DPYD: variants seen among roughly 807,000 people sequenced by gnomAD.
DPYD encodes dihydropyrimidine dehydrogenase, also known as dihydropyrimidine dehydrogenase [NADP(+)].
DPYD carries 109 observed loss-of-function variants against 116.2 expected under a neutral mutation model. That is an observed-to-expected ratio of 0.94 (90% CI 0.80 to 1.10). The LOEUF (loss-of-function observed/expected upper bound fraction) is 1.10. Among genes scored for constraint, DPYD ranks in the 50% least tolerant of loss-of-function variants. The pLI, the probability that DPYD is intolerant of heterozygous loss-of-function variation, is 0.00. For missense variants in DPYD, 1,302 were observed against 1,254.5 expected (o/e 1.04, Z -0.57); for synonymous variants, 440 against 432.0 (o/e 1.02, Z -0.23).
chr1:97,628,058 AG>A (rs1204600886), intron 8 of DPYD, among the ~76,000 whole-genome samples: 1 of 152,014 alleles, frequency 6.6e-6, no homozygotes, highest in Non-Finnish European at 1.5e-5. Context: ...AGAGACATTG[AG>A]GCACAGACTC....
chr1:97,808,366 G>A lies in DPYD; in HGVS notation c.233+19748C>T, dbSNP rs138668886. ...TTTATTAAATATTTCCTTTTTTGGT[G>A]CTAATTTAAATGATATTATCTTTTA... On this transcript the variant is annotated intron_variant, in intron 3 of 22. Coordinates refer to ENST00000370192, the MANE Select transcript of DPYD (RefSeq NM_000110.4). 5.0e-3 allele frequency among the ~76,000 whole-genome samples: 765 copies of A among 151,930 alleles called. 7 individuals carry two copies. Among genetic ancestry groups the A allele is most frequent in the African/African-American group, 0.017 (708 of 41,470 alleles).
At chr1:97,569,429 ATATT>A (rs981210624) in intron 11 of DPYD, among the ~76,000 whole-genome samples, 1 of 148,000 alleles carries the variant, frequency 6.8e-6, no homozygotes, top group Non-Finnish European at 1.5e-5. Flanking sequence ...ATATATTCAT[ATATT>A]TATATTATAT....
chr1:97,287,874 G>A (rs1334568886), intron 18 of DPYD, among the ~76,000 whole-genome samples: 2 of 152,016 alleles, frequency 1.3e-5, no homozygotes, highest in Admixed American at 6.6e-5. Flanking sequence ...CTAGCCCCTT[G>A]CAAGACACAG....
chr1:97,352,125 C>G (rs1318784090), intron 16 of DPYD, among the ~76,000 whole-genome samples: 1 of 152,074 alleles, frequency 6.6e-6, no homozygotes. Flanking sequence ...AAAAGTCCTT[C>G]TCAAATAACT....
At chr1:97,142,093 T>C (rs772055449) in intron 20 of DPYD, among the ~76,000 whole-genome samples, 74 of 152,194 alleles carry the variant, frequency 4.9e-4, no homozygotes, top group Non-Finnish European at 5.4e-4. Context: ...GTTTATACTT[T>C]GAGCTTTATC....
intron 12 of DPYD, among the ~76,000 whole-genome samples, chr1:97,533,499 G>A (rs931321495): frequency 1.3e-5 from 2 of 152,124 alleles, no homozygotes; most frequent in Non-Finnish European, 1.5e-5. Context: ...TGGTGATACT[G>A]CTGACAAGAT....
At chr1:97,314,584 C>A (rs1488049199) in intron 16 of DPYD, among the ~76,000 whole-genome samples, 1 of 149,202 alleles carries the variant, frequency 6.7e-6, no homozygotes, top group African/African-American at 2.5e-5. Context: ...CTTTCAGGCA[C>A]TATTTTAATT....
At chr1:97,334,747 G>A (rs1325797911) in intron 16 of DPYD, among the ~76,000 whole-genome samples, 1 of 152,182 alleles carries the variant, frequency 6.6e-6, no homozygotes, top group Non-Finnish European at 1.5e-5. Context: ...TATAAGATCA[G>A]TGTCACAAAC....
intron 13 of DPYD, among the ~76,000 whole-genome samples, chr1:97,464,014 A>T (rs1394877521): frequency 6.6e-6 from 1 of 152,032 alleles, no homozygotes; most frequent in Non-Finnish European, 1.5e-5. Flanking sequence ...TGTGGTGGGC[A>T]GATCACTTGA....
intron 3 of DPYD, among the ~76,000 whole-genome samples, chr1:97,814,243 T>G (rs1668470997): frequency 6.6e-6 from 1 of 152,092 alleles, no homozygotes; most frequent in South Asian, 2.1e-4. Flanking sequence ...GTCAGAAGCT[T>G]TGTGAGCAAG....
intron 8 of DPYD, among the ~76,000 whole-genome samples, chr1:97,639,673 G>A (rs1055405693): frequency 1.3e-5 from 2 of 152,034 alleles, no homozygotes; most frequent in African/African-American, 2.4e-5. Flanking sequence ...ATGAAGCTGG[G>A]TCCTTCAGCG....
intron 19 of DPYD, among the ~76,000 whole-genome samples, chr1:97,228,934 C>T (rs1395266261): frequency 6.6e-6 from 1 of 151,878 alleles, no homozygotes; most frequent in Admixed American, 6.6e-5. Flanking sequence ...TGGCTCATGC[C>T]TGTCTGTAAT....
At chr1:97,884,902 A>T (rs373830432) in intron 1 of DPYD, among the ~76,000 whole-genome samples, 2 of 152,094 alleles carry the variant, frequency 1.3e-5, no homozygotes, top group African/African-American at 4.8e-5. Context: ...TACTCTTATA[A>T]CTTTGAGTAA....
chr1:97,555,845 T>A (rs1327586930), intron 11 of DPYD, among the ~76,000 whole-genome samples: 1 of 152,112 alleles, frequency 6.6e-6, no homozygotes, highest in African/African-American at 2.4e-5. Flanking sequence ...TGACACTATA[T>A]CCACTCTCTT....
chr1:97,920,767 CTT>C, intron 1 of DPYD, 115 bp downstream of exon 1: 1 of 1,419,506 alleles, frequency 7.0e-7, no homozygotes, highest in Non-Finnish European at 9.6e-7. Context: ...ACGGGGGAAA[CTT>C]TCCCGCGTCT....
chr1:97,629,724 A>C (rs1323726338), intron 8 of DPYD, among the ~76,000 whole-genome samples: 1 of 152,080 alleles, frequency 6.6e-6, no homozygotes, highest in East Asian at 1.9e-4. Flanking sequence ...AAATGCTAGA[A>C]ATCTTTGCCA....
intron 3 of DPYD, among the ~76,000 whole-genome samples, chr1:97,778,176 AAG>A (rs1252114092): frequency 1.8e-5 from 2 of 111,108 alleles, no homozygotes; most frequent in East Asian, 2.6e-4. Context: ...AAAAAAAAGA[AAG>A]AAAGAAAGAA....
At chr1:97,724,953 A>AAGAGAGAGAGAGAGAGAGAGAG (rs71590231) in intron 4 of DPYD, among the ~76,000 whole-genome samples, 3 of 118,916 alleles carry the variant, frequency 2.5e-5, no homozygotes, top group East Asian at 2.7e-4. Context: ...GAGGGAAGGA[A>AAGAGAGAGAGAGAGAGAGAGAG]AGAGAGAGAG....
intron 20 of DPYD, among the ~76,000 whole-genome samples, chr1:97,186,499 C>T (rs1658002337): frequency 6.6e-6 from 1 of 152,156 alleles, no homozygotes; most frequent in Non-Finnish European, 1.5e-5. Context: ...TTAACTTCCA[C>T]TCACAAGTGG....
Sources: allele counts gnomAD v4.1 joint callset (sites outside exome capture counted in the v4.1 genomes callset), GRCh38; gene constraint gnomAD v4.1.1; transcripts MANE v1.5; gene names NCBI Gene and HGNC (gene_info 2026-07-23, HGNC 2026-07-21).